RREB1: variants seen among roughly 807,000 people sequenced by gnomAD.
RREB1 encodes the protein ras-responsive element-binding protein 1.
RREB1 carries 27 observed loss-of-function variants against 117.8 expected under a neutral mutation model. The ratio of observed to expected loss-of-function variants is 0.23; its 90% confidence interval spans 0.17 to 0.32. The LOEUF (loss-of-function observed/expected upper bound fraction) is 0.32. RREB1 is among the 10% of genes least tolerant of loss of function. The pLI is 1.00. For synonymous variants in RREB1, 1,298 were observed against 1,026.7 expected (o/e 1.26, Z -5.05); for missense variants, 2,577 against 2,378.2 (o/e 1.08, Z -1.74).
At chr6:7,191,208 G>T (rs1317217375) in intron 6 of RREB1, among the ~76,000 whole-genome samples, 1 of 151,322 alleles carries the variant, frequency 6.6e-6, no homozygotes, top group East Asian at 1.9e-4. Flanking sequence ...ACACATGTCT[G>T]TATTCACTTT....
intron 8 of RREB1, among the ~76,000 whole-genome samples, chr6:7,225,428 C>T (rs545307331): frequency 1.3e-4 from 20 of 152,210 alleles, no homozygotes; most frequent in Non-Finnish European, 1.2e-4. Context: ...CCATGCAAGT[C>T]TAGGGGATGT....
At chr6:7,141,072 C>T (rs1474476364) in intron 1 of RREB1, among the ~76,000 whole-genome samples, 1 of 152,234 alleles carries the variant, frequency 6.6e-6, no homozygotes, top group Non-Finnish European at 1.5e-5. Flanking sequence ...CTGTGCCCTC[C>T]TCAGGCTGGG....
intron 1 of RREB1, among the ~76,000 whole-genome samples, chr6:7,110,098 T>C (rs1761059879): frequency 6.6e-6 from 1 of 152,184 alleles, no homozygotes; most frequent in South Asian, 2.1e-4. Flanking sequence ...ATCTCCATTA[T>C]TTTTGATATT....
At chr6:7,121,664 G>A (rs760385234) in intron 1 of RREB1, among the ~76,000 whole-genome samples, 11 of 152,032 alleles carry the variant, frequency 7.2e-5, no homozygotes, top group Admixed American at 1.3e-4. Context: ...ACCTGTCCCC[G>A]TGGAGTGATT....
At chr6:7,110,244 A>G (rs1363878434) in intron 1 of RREB1, among the ~76,000 whole-genome samples, 2 of 152,230 alleles carry the variant, frequency 1.3e-5, no homozygotes, top group Non-Finnish European at 2.9e-5. Context: ...TTTCACACCC[A>G]TGAAAATCAT....
rs543417661 is a variant in RREB1, at chr6:7,242,994, G to A, written c.3973+2392G>A. ...GGGATATGCCCTTGGTCCTTCCTCC[G>A]ATGATGCCCCGTCTTTGTGTTTGTA... On this transcript the variant is annotated intron_variant, in intron 11 of 12. Coordinates refer to ENST00000379938, the MANE Select transcript of RREB1 (RefSeq NM_001003699.4). 6.6e-5 allele frequency among the ~76,000 whole-genome samples: 10 copies of A among 152,280 alleles called. No individual in the cohort carries two copies. In the South Asian group the frequency reaches 1.5e-3, roughly 22 times the overall value.
intron 10 of RREB1, among the ~76,000 whole-genome samples, chr6:7,232,425 G>T (rs1768054951): frequency 6.6e-6 from 1 of 152,174 alleles, no homozygotes; most frequent in African/African-American, 2.4e-5. Flanking sequence ...AAATTGTGAG[G>T]TTGGCTGTTT....
chr6:7,196,371 C>G (rs996752624), intron 6 of RREB1, among the ~76,000 whole-genome samples: 1 of 151,760 alleles, frequency 6.6e-6, no homozygotes, highest in African/African-American at 2.4e-5. Flanking sequence ...GGCCTGTGGT[C>G]ATTTTATGAG....
chr6:7,247,350 T>A, intron 12 of RREB1, 129 bp downstream of exon 12: 1 of 807,598 alleles, frequency 1.2e-6, no homozygotes, highest in Non-Finnish European at 1.9e-6. Context: ...GTGTGCCCTT[T>A]AAGCCCGTGA....
chr6:7,109,856 T>G (rs992424640), intron 1 of RREB1, among the ~76,000 whole-genome samples: 1 of 152,066 alleles, frequency 6.6e-6, no homozygotes, highest in Non-Finnish European at 1.5e-5. Flanking sequence ...TGGTGGTGGA[T>G]GTGGAGAGAG....
intron 10 of RREB1, among the ~76,000 whole-genome samples, chr6:7,237,427 T>C (rs1388530800): frequency 6.6e-6 from 1 of 151,746 alleles, no homozygotes; most frequent in Non-Finnish European, 1.5e-5. Context: ...AAGGTCTCAC[T>C]GTGTTGCCCA....
At chr6:7,160,142 A>T (rs1763578662) in intron 1 of RREB1, among the ~76,000 whole-genome samples, 1 of 151,292 alleles carries the variant, frequency 6.6e-6, no homozygotes. Flanking sequence ...TTTAAATGAG[A>T]CAGGTTTTCC....
At chr6:7,114,157 T>C (rs1489660320) in intron 1 of RREB1, among the ~76,000 whole-genome samples, 4 of 152,222 alleles carry the variant, frequency 2.6e-5, no homozygotes, top group Non-Finnish European at 2.9e-5. Flanking sequence ...AGAGTCTTGC[T>C]GTCGCCCAGG....
At chr6:7,201,880 C>A (rs1021595643) in intron 6 of RREB1, among the ~76,000 whole-genome samples, 1 of 152,144 alleles carries the variant, frequency 6.6e-6, no homozygotes, top group African/African-American at 2.4e-5. Flanking sequence ...TCTCCAGTTT[C>A]TGTTGGTAGA....
rs1384218504 is a variant in RREB1 at position 7,246,934 on chromosome 6, A to G, written c.4484A>G (p.Glu1495Gly). 2 of 1,557,658 alleles carry G rather than the reference A, an allele frequency of 1.3e-6. No individual in the cohort carries two copies. Among genetic ancestry groups the G allele is most frequent in the Non-Finnish European group, 1.7e-6 (2 of 1,152,028 alleles). ...GAGGAGGGGCCCCAGCCCGCCCCTG[A>G]ACAGGAGGAGAAGCCCCCCGAGACC... is the stretch of plus-strand genomic sequence containing the variant. ...TAEEGPQPAP[E>G]QEEKPPETPA... is the part of the protein sequence containing the mutation. The change falls in exon 12 of 13, where the codon GAA (glutamate) becomes GGA (glycine). Residue 1495 changes from glutamate (E) to glycine (G), a missense_variant. Glu to Gly is a moderately conservative substitution (Grantham distance 98). Transcript: ENST00000379938.
intron 8 of RREB1, among the ~76,000 whole-genome samples, chr6:7,219,740 ACT>A (rs1767127628): frequency 6.6e-6 from 1 of 151,308 alleles, no homozygotes; most frequent in Admixed American, 6.6e-5. Context: ...CATATCAGAG[ACT>A]CTCTGTGATC....
intron 6 of RREB1, among the ~76,000 whole-genome samples, chr6:7,203,927 C>T (rs1766127889): frequency 6.6e-6 from 1 of 152,152 alleles, no homozygotes; most frequent in Non-Finnish European, 1.5e-5. Context: ...CTCTGTGGGC[C>T]ATATTGCCCA....
intron 2 of RREB1, among the ~76,000 whole-genome samples, chr6:7,178,398 G>A (rs1476012352): frequency 6.6e-6 from 1 of 152,184 alleles, no homozygotes; most frequent in Non-Finnish European, 1.5e-5. Context: ...TGTGGTTATA[G>A]GGTAGATAGG....
intron 6 of RREB1, among the ~76,000 whole-genome samples, chr6:7,194,272 G>A (rs1335501152): frequency 3.9e-5 from 6 of 152,196 alleles, no homozygotes; most frequent in East Asian, 1.9e-4. Flanking sequence ...GGCATTGGCC[G>A]GGTACAGTGG....
Sources: allele counts gnomAD v4.1 joint callset (sites outside exome capture counted in the v4.1 genomes callset), GRCh38; gene constraint gnomAD v4.1.1; transcripts MANE v1.5; gene names NCBI Gene and HGNC (gene_info 2026-07-23, HGNC 2026-07-21).